PLCL1: variants seen among roughly 807,000 people sequenced by gnomAD.
PLCL1 encodes the protein inactive phospholipase C-like protein 1.
PLCL1 carries 41 observed loss-of-function variants against 84.4 expected under a neutral mutation model. The ratio of observed to expected loss-of-function variants is 0.49; its 90% CI spans 0.38 to 0.63. The LOEUF is 0.63. PLCL1 is among the 30% of genes least tolerant of loss of function. The probability of loss-of-function intolerance (pLI) is 0.00; values close to 1 mark genes in which losing one functional copy is unlikely to be tolerated. For missense variants in PLCL1, 1,206 were observed against 1,367.8 expected, an observed-to-expected ratio of 0.88 and a Z score of 1.87; for synonymous variants, 490 against 488.3, an observed-to-expected ratio of 1.00 and a Z score of -0.05.
rs192625480 is a variant in PLCL1, at chr2:197,889,033, T to G, written c.240+83694T>G. ...TTGCAGTTTTTTTAGATCATAAAAA[T>G]AGAATGTTTTCAGTTTTGTATATGT... is the stretch of plus-strand genomic sequence containing the variant. On this transcript the variant is annotated intron_variant, in intron 1 of 5. Coordinates refer to ENST00000428675, the MANE Select transcript of PLCL1 (RefSeq NM_006226.4). Among the ~76,000 whole-genome samples the G allele has an allele frequency of 7.9e-5, 12 of 152,312 alleles. No individual in the cohort carries two copies. The East Asian group carries it at 2.3e-3, about 29-fold the overall frequency.
In PLCL1 at chr2:198,084,221, A is replaced by G; in HGVS notation, c.704A>G (p.Asn235Ser). Residue 235 changes from asparagine (N) to serine (S), a missense_variant, in exon 2 of 6, where the codon AAC becomes AGC. Transcript: ENST00000428675. ...CAGCCTCTTGATTTTATGGAGGGCA[A>G]CCAGAACACACCACGGTTCATGTGG... ...SKQPLDFMEG[N>S]QNTPRFMWLK... 1 of 1,614,122 alleles carries G rather than the reference A, an allele frequency of 6.2e-7. No individual in the cohort carries two copies. The highest frequency in any genetic ancestry group is 8.5e-7 in the Non-Finnish European group (1 of 1,179,998).
intron 1 of PLCL1, among the ~76,000 whole-genome samples, chr2:197,814,196 G>C (rs986076324): frequency 6.6e-6 from 1 of 152,010 alleles, no homozygotes; most frequent in Non-Finnish European, 1.5e-5. Flanking sequence ...GAAGATTTGT[G>C]GCAACCCTGT....
In PLCL1 at chr2:197,997,545, A is replaced by G. The variant is rs148243718; in HGVS notation, c.241-86213A>G. On this transcript the variant is annotated intron_variant, in intron 1 of 5. Transcript: ENST00000428675. The stretch of plus-strand genomic sequence containing the variant: ...GCTGGTCCCCACAATTCACACCCAA[A>G]GAGGCCTTTTCATGGCCCTGCACGC... Among the ~76,000 whole-genome samples the G allele has an allele frequency of 1.7e-3, 257 of 152,294 alleles. 1 individual carries two copies. The highest frequency in any genetic ancestry group is 5.9e-3 in the African/African-American group (244 of 41,564).
At position 197,858,029 on chromosome 2, in the gene PLCL1, C is replaced by T. The variant is rs547605241; in HGVS notation, c.240+52690C>T. Among the ~76,000 whole-genome samples the T allele has an allele frequency of 4.5e-4, 68 of 152,192 alleles. 2 individuals are homozygous for T. In the South Asian group the frequency reaches 1.0e-2, roughly 22 times the overall value. The stretch of plus-strand genomic sequence containing the variant: ...TACATCATGGGGCTGTTGAACATAC[C>T]TCATGAGAGAGAAGTACTTAGATAG... On this transcript the variant is annotated intron_variant, in intron 1 of 5. Coordinates refer to ENST00000428675, the MANE Select transcript of PLCL1 (RefSeq NM_006226.4).
At chr2:197,961,238 GGAGA>G (rs60411488) in intron 1 of PLCL1, among the ~76,000 whole-genome samples, 69,383 of 145,862 alleles carry the variant, frequency 0.48, 16,401 homozygotes, top group Middle Eastern at 0.57. Flanking sequence ...TTGGGAAGGT[GGAGA>G]GAGAGAGAGA....
At chr2:198,026,106 G>A (rs775701886) in intron 1 of PLCL1, among the ~76,000 whole-genome samples, 1 of 152,146 alleles carries the variant, frequency 6.6e-6, no homozygotes, top group Non-Finnish European at 1.5e-5. Context: ...CCTTCAGGTA[G>A]GTGGTGGTGT....
At chr2:198,041,957 A>G (rs1387924707) in intron 1 of PLCL1, among the ~76,000 whole-genome samples, 1 of 152,178 alleles carries the variant, frequency 6.6e-6, no homozygotes, top group African/African-American at 2.4e-5. Flanking sequence ...TTGATAAGTG[A>G]ACCTCAATTT....
At chr2:198,137,954 G>A (rs1231543523) in intron 5 of PLCL1, among the ~76,000 whole-genome samples, 1 of 152,116 alleles carries the variant, frequency 6.6e-6, no homozygotes, top group East Asian at 1.9e-4. Context: ...CTGGGAAGTT[G>A]TAGAGGTGAT....
intron 1 of PLCL1, among the ~76,000 whole-genome samples, chr2:197,834,674 A>T (rs533867787): frequency 6.6e-6 from 1 of 152,366 alleles, no homozygotes; most frequent in South Asian, 2.1e-4. Context: ...GATATGGAGA[A>T]ATAGGAACGC....
At chr2:198,072,257 A>G (rs550439152) in intron 1 of PLCL1, among the ~76,000 whole-genome samples, 1 of 151,816 alleles carries the variant, frequency 6.6e-6, no homozygotes, top group East Asian at 1.9e-4. Flanking sequence ...TCTCACCCCC[A>G]TTCACCCCTG....
At chr2:197,995,650 AG>A (rs2105816120) in intron 1 of PLCL1, among the ~76,000 whole-genome samples, 1 of 152,290 alleles carries the variant, frequency 6.6e-6, no homozygotes, top group African/African-American at 2.4e-5. Flanking sequence ...GCATTTGAGC[AG>A]TCAACAATCT....
chr2:197,840,755 C>A (rs191588919), intron 1 of PLCL1, among the ~76,000 whole-genome samples: 3 of 152,142 alleles, frequency 2.0e-5, no homozygotes, highest in Admixed American at 2.0e-4. Flanking sequence ...GATCCTCATA[C>A]GTGGAAGCCG....
intron 1 of PLCL1, among the ~76,000 whole-genome samples, chr2:198,046,153 A>G (rs748968230): frequency 3.9e-5 from 6 of 152,202 alleles, no homozygotes; most frequent in Non-Finnish European, 5.9e-5. Context: ...TTGTTTATGT[A>G]TTGTTTATAG....
intron 3 of PLCL1, among the ~76,000 whole-genome samples, chr2:198,089,997 A>G (rs1330466598): frequency 6.6e-6 from 1 of 152,170 alleles, no homozygotes; most frequent in Non-Finnish European, 1.5e-5. Context: ...GGAAAAATAA[A>G]TTGATATAGT....
chr2:198,127,012 G>GT (rs144423192), intron 5 of PLCL1, among the ~76,000 whole-genome samples: 4,269 of 92,808 alleles, frequency 0.046, 83 homozygotes, highest in Middle Eastern at 0.053. Flanking sequence ...GTGTGTGTGT[G>GT]GGGGGTGGTG....
chr2:197,958,424 G>C (rs898763880), intron 1 of PLCL1, among the ~76,000 whole-genome samples: 1 of 151,822 alleles, frequency 6.6e-6, no homozygotes, highest in Non-Finnish European at 1.5e-5. Context: ...ATTTGTGTTG[G>C]GCCGCATTCA....
intron 1 of PLCL1, among the ~76,000 whole-genome samples, chr2:197,820,268 T>C (rs1690789618): frequency 6.6e-6 from 1 of 152,110 alleles, no homozygotes; most frequent in Non-Finnish European, 1.5e-5. Context: ...CAAGTATTAG[T>C]TTCTTGTTGC....
At chr2:197,967,497 G>C (rs1689769093) in intron 1 of PLCL1, among the ~76,000 whole-genome samples, 1 of 152,188 alleles carries the variant, frequency 6.6e-6, no homozygotes, top group Non-Finnish European at 1.5e-5. Context: ...CAACTGGAAT[G>C]CATTCTAAAC....
chr2:198,141,333 C>T (rs1277077527), intron 5 of PLCL1, among the ~76,000 whole-genome samples: 1 of 152,042 alleles, frequency 6.6e-6, no homozygotes, highest in Non-Finnish European at 1.5e-5. Context: ...ATAGCTGCAC[C>T]TTTGTGCCTT....
Sources: allele counts gnomAD v4.1 joint callset (sites outside exome capture counted in the v4.1 genomes callset), GRCh38; gene constraint gnomAD v4.1.1; transcripts MANE v1.5; gene names NCBI Gene and HGNC (gene_info 2026-07-23, HGNC 2026-07-21).